The following FAT3 variants were observed in gnomAD, a reference collection of about 807,000 sequenced individuals.
FAT3 encodes the protein FAT atypical cadherin 3, also known as protocadherin Fat 3.
FAT3 carries 95 observed loss-of-function variants against 310.2 expected under a neutral mutation model. That is an observed-to-expected ratio of 0.31 (90% CI 0.26 to 0.36). FAT3 has a LOEUF of 0.36. Ranked by LOEUF, FAT3 falls within the 10% of genes least tolerant of loss-of-function variation. The pLI is 1.00. For synonymous variants in FAT3, 2,314 were observed against 2,192.9 expected (o/e 1.06, Z -1.54); for missense variants, 5,408 against 5,715.6 (o/e 0.95, Z 1.74).
At chr11:92,625,165 T>C (rs1332276370) in intron 3 of FAT3, among the ~76,000 whole-genome samples, 2 of 152,150 alleles carry the variant, frequency 1.3e-5, no homozygotes, top group African/African-American at 4.8e-5. Context: ...GAGGATGAAA[T>C]TGGTTTCATG....
At chr11:92,230,852 G>A (rs1429962441) in intron 1 of FAT3, among the ~76,000 whole-genome samples, 1 of 152,118 alleles carries the variant, frequency 6.6e-6, no homozygotes, top group Non-Finnish European at 1.5e-5. Flanking sequence ...AATGTGAGGT[G>A]GAGTAAACTT....
At chr11:92,415,204 C>T (rs1267564212) in intron 2 of FAT3, among the ~76,000 whole-genome samples, 4 of 152,104 alleles carry the variant, frequency 2.6e-5, no homozygotes, top group Non-Finnish European at 5.9e-5. Context: ...GCTTGTTTAA[C>T]TTGTTCTCTT....
rs144122435 is a variant in FAT3, at chr11:92,710,625, G to A, written c.3669+13180G>A. Among the ~76,000 whole-genome samples the A allele has an allele frequency of 8.6e-3, 1,310 of 152,256 alleles. 18 individuals are homozygous for A. The highest frequency in any genetic ancestry group is 0.03 in the African/African-American group (1,238 of 41,532). On this transcript the variant is annotated intron_variant, in intron 4 of 27. Coordinates refer to ENST00000525166, the MANE Select transcript of FAT3 (RefSeq NM_001367949.2). The stretch of plus-strand genomic sequence containing the variant: ...TATTTAGCATTTTTTACAACAGAAG[G>A]TGTTGTTCTGTCTCTATCAGCAGTA...
chr11:92,704,227 C>T (rs1262305194), intron 4 of FAT3, among the ~76,000 whole-genome samples: 1 of 152,180 alleles, frequency 6.6e-6, no homozygotes, highest in African/African-American at 2.4e-5. Flanking sequence ...CCACCACCCC[C>T]TCAGCTAATC....
intron 21 of FAT3, among the ~76,000 whole-genome samples, chr11:92,864,747 T>C (rs1949196778): frequency 2.0e-5 from 3 of 151,768 alleles, no homozygotes; most frequent in Admixed American, 6.6e-5. Flanking sequence ...AACCAGGGAG[T>C]TGGATGTTGC....
chr11:92,319,077 CA>C (rs768818956), intron 1 of FAT3, among the ~76,000 whole-genome samples: 15 of 152,108 alleles, frequency 9.9e-5, no homozygotes, highest in Non-Finnish European at 2.1e-4. Flanking sequence ...ACAATCTAAA[CA>C]ACAACAACAA....
intron 3 of FAT3, among the ~76,000 whole-genome samples, chr11:92,688,203 T>C (rs1485883531): frequency 6.6e-6 from 1 of 151,940 alleles, no homozygotes; most frequent in Non-Finnish European, 1.5e-5. Flanking sequence ...TGTCTTTAAA[T>C]ATTAATTAAT....
At chr11:92,572,802 T>C (rs1457494328) in intron 3 of FAT3, among the ~76,000 whole-genome samples, 1 of 152,202 alleles carries the variant, frequency 6.6e-6, no homozygotes, top group Non-Finnish European at 1.5e-5. Flanking sequence ...TTTTTAGTAC[T>C]TATAATTTAA....
chr11:92,668,427 A>G (rs1469891121), intron 3 of FAT3, among the ~76,000 whole-genome samples: 2 of 152,212 alleles, frequency 1.3e-5, no homozygotes, highest in African/African-American at 2.4e-5. Context: ...CTATTTCTCC[A>G]ATAATCCAGA....
chr11:92,523,721 A>G (rs1008270040), intron 2 of FAT3, among the ~76,000 whole-genome samples: 1 of 152,294 alleles, frequency 6.6e-6, no homozygotes, highest in African/African-American at 2.4e-5. Flanking sequence ...TTATACACTG[A>G]GCCCAGAGTT....
intron 14 of FAT3, among the ~76,000 whole-genome samples, chr11:92,832,351 G>A (rs1412569671): frequency 2.0e-5 from 3 of 151,810 alleles, no homozygotes; most frequent in East Asian, 3.9e-4. Context: ...AATAATAATA[G>A]TAAGAATGCA....
At chr11:92,331,013 AG>A (rs1947910591) in intron 1 of FAT3, among the ~76,000 whole-genome samples, 1 of 125,658 alleles carries the variant, frequency 8.0e-6, no homozygotes, top group African/African-American at 3.7e-5. Flanking sequence ...TGAGAGAGAG[AG>A]AGAGAGAAAC....
At chr11:92,566,764 C>CAAAGATTGTTTTTCTCAGATTG (rs1955467085) in intron 3 of FAT3, among the ~76,000 whole-genome samples, 1 of 151,994 alleles carries the variant, frequency 6.6e-6, no homozygotes, top group Non-Finnish European at 1.5e-5. Context: ...CTTTGACAAA[C>CAAAGATTGTTTTTCTCAGATTG]CTGAGAAAAA....
chr11:92,354,186 C>T lies in FAT3; in HGVS notation c.2074C>T (p.Leu692=). ...SCRETRVAQK[L]AEKLLIKAKA... Reference sequence around the variant, plus strand: ...CAGAGAAACTCGTGTGGCTCAAAAGCTGGCAGAGAAACTACTCATTAAGGC... The same window carrying T: ...CAGAGAAACTCGTGTGGCTCAAAAGTTGGCAGAGAAACTACTCATTAAGGC... The change falls in exon 2 of 28, where the codon CTG becomes TTG. Residue 692 remains leucine, a synonymous_variant. Transcript: ENST00000525166. 1.2e-6 allele frequency: 2 copies of T among 1,613,856 alleles called. No homozygotes were observed. The highest frequency in any genetic ancestry group is 1.3e-5 in the African/African-American group (1 of 75,038).
chr11:92,271,027 A>T (rs1163888335), intron 1 of FAT3, among the ~76,000 whole-genome samples: 1 of 151,742 alleles, frequency 6.6e-6, no homozygotes, highest in Non-Finnish European at 1.5e-5. Context: ...TGTTATTATA[A>T]CCCCTGTTCA....
At chr11:92,333,809 T>C (rs1477674005) in intron 1 of FAT3, among the ~76,000 whole-genome samples, 2 of 152,072 alleles carry the variant, frequency 1.3e-5, no homozygotes, top group Non-Finnish European at 2.9e-5. Context: ...CTCTCCTCAG[T>C]TATATCTCAT....
Position 92,306,573 on chromosome 11 carries a change from A to ATG in FAT3, c.-17-45522_-17-45521insGT, listed in dbSNP as rs1214207053. ...TATGTTATATATATTTATATTATATATTATATATATTTATATTATATATAT... is the reference window on the plus strand; with the variant it reads ...TATGTTATATATATTTATATTATATATGTTATATATATTTATATTATATATAT... On this transcript the variant is annotated intron_variant, in intron 1 of 27. Transcript: ENST00000525166. Among the ~76,000 whole-genome samples, 124 of 125,556 alleles carry ATG rather than the reference A, an allele frequency of 9.9e-4. 2 individuals carry two copies. The highest frequency in any genetic ancestry group is 3.2e-3 in the African/African-American group (100 of 31,300). The allele number at this position is 125,556 out of a possible 152,430, so 82.4% of individuals were successfully genotyped here. A position where few individuals can be genotyped will look rare whatever the true frequency, so the allele number is the denominator to read the frequency against.
At chr11:92,840,782 C>T (rs1023816651) in intron 18 of FAT3, 23 bp downstream of exon 18, 21 of 1,503,506 alleles carry the variant, frequency 1.4e-5, no homozygotes, top group Non-Finnish European at 9.0e-6. Context: ...ACTCTGTCTC[C>T]GTCGTGCTGT....
At chr11:92,585,856 T>G (rs577875852) in intron 3 of FAT3, among the ~76,000 whole-genome samples, 1 of 151,882 alleles carries the variant, frequency 6.6e-6, no homozygotes, top group African/African-American at 2.4e-5. Flanking sequence ...AAAGGCATGG[T>G]ACTTATTCCT....
Sources: allele counts gnomAD v4.1 joint callset (sites outside exome capture counted in the v4.1 genomes callset), GRCh38; gene constraint gnomAD v4.1.1; transcripts MANE v1.5; gene names NCBI Gene and HGNC (gene_info 2026-07-23, HGNC 2026-07-21).